The following GRM8 variants were observed in gnomAD, a reference collection of about 807,000 sequenced individuals.
GRM8 encodes the protein metabotropic glutamate receptor 8.
GRM8 carries 47 observed loss-of-function variants against 87.2 expected under a neutral mutation model. The observed-to-expected ratio is 0.54, with a 90% CI of 0.43 to 0.69. GRM8 has a LOEUF of 0.69. Among genes scored for constraint, GRM8 ranks in the 30% least tolerant of loss-of-function variants. The probability of loss-of-function intolerance (pLI) is 0.00; values close to 1 mark genes in which losing one functional copy is unlikely to be tolerated. For missense variants in GRM8, 1,019 were observed against 1,139.2 expected, an observed-to-expected ratio of 0.89 and a Z score of 1.52; for synonymous variants, 396 against 404.5, an observed-to-expected ratio of 0.98 and a Z score of 0.25.
intron 3 of GRM8, among the ~76,000 whole-genome samples, chr7:127,101,819 T>TG (rs1459214275): frequency 6.6e-6 from 1 of 152,184 alleles, no homozygotes; most frequent in African/African-American, 2.4e-5. Flanking sequence ...ACTTTGGAAC[T>TG]GGGTAACAGG....
At chr7:126,464,539 T>A (rs187112576) in intron 9 of GRM8, among the ~76,000 whole-genome samples, 5 of 151,812 alleles carry the variant, frequency 3.3e-5, no homozygotes, top group African/African-American at 1.2e-4. Context: ...TGTTTTGTGG[T>A]CTTCTCTTCC....
chr7:126,460,185 A>G (rs1302290084), intron 9 of GRM8, among the ~76,000 whole-genome samples: 13 of 151,550 alleles, frequency 8.6e-5, no homozygotes, highest in Admixed American at 8.6e-4. Context: ...ATGTAGATAT[A>G]TGGGTCTGCT....
At chr7:127,223,251 C>G (rs1797050871) in intron 2 of GRM8, among the ~76,000 whole-genome samples, 1 of 152,000 alleles carries the variant, frequency 6.6e-6, no homozygotes, top group African/African-American at 2.4e-5. Flanking sequence ...CATGTATTTC[C>G]TCATCTATAC....
chr7:126,601,851 G>T, intron 8 of GRM8, among the ~76,000 whole-genome samples: 1 of 141,070 alleles, frequency 7.1e-6, no homozygotes. Flanking sequence ...CAGATGAGTA[G>T]GTTGTGAAAA....
At chr7:126,621,828 C>T (rs1303112747) in intron 7 of GRM8, among the ~76,000 whole-genome samples, 3 of 152,186 alleles carry the variant, frequency 2.0e-5, no homozygotes, top group Admixed American at 6.5e-5. Flanking sequence ...CAAAAGTTTC[C>T]TCTTTGGACA....
rs142200394 is a variant in GRM8, at chr7:126,751,651, C to T, written c.1357+18214G>A. On this transcript the variant is annotated intron_variant, in intron 7 of 10. Transcript: ENST00000339582. The stretch of plus-strand genomic sequence containing the variant: ...AAAGAGGCAAAGGAAGGCACCATTG[C>T]ACTTTATTACTAGCTATGACTTTGG... Among the ~76,000 whole-genome samples, 797 of 152,262 alleles carry T rather than the reference C, an allele frequency of 5.2e-3. 11 individuals are homozygous for T. The highest frequency in any genetic ancestry group is 0.018 in the African/African-American group (752 of 41,554).
intron 2 of GRM8, among the ~76,000 whole-genome samples, chr7:127,139,133 C>T (rs555470670): frequency 6.6e-5 from 10 of 152,236 alleles, no homozygotes; most frequent in African/African-American, 1.7e-4. Context: ...TGACTTCCAG[C>T]CCATCAGCTT....
chr7:126,706,147 T>G (rs1212966999), intron 7 of GRM8, among the ~76,000 whole-genome samples: 1 of 152,198 alleles, frequency 6.6e-6, no homozygotes, highest in Non-Finnish European at 1.5e-5. Context: ...AATATCCATG[T>G]AAACCTGAGA....
At chr7:126,621,409 T>C (rs1395888657) in intron 7 of GRM8, among the ~76,000 whole-genome samples, 1 of 152,168 alleles carries the variant, frequency 6.6e-6, no homozygotes, top group African/African-American at 2.4e-5. Context: ...CCTTTTTTGT[T>C]TGTTTGTTTG....
chr7:126,571,947 G>T (rs1585088237), intron 8 of GRM8, among the ~76,000 whole-genome samples: 1 of 151,652 alleles, frequency 6.6e-6, no homozygotes, highest in East Asian at 1.9e-4. Flanking sequence ...TCACCATGTT[G>T]GGCCAGGCTG....
chr7:126,579,982 G>T (rs73722650), intron 8 of GRM8, among the ~76,000 whole-genome samples: 6,221 of 151,548 alleles, frequency 0.041, 433 homozygotes, highest in African/African-American at 0.14. Context: ...AAGAAAACGT[G>T]CTTATCCCAT....
chr7:127,094,609 A>G (rs947787614), intron 3 of GRM8, among the ~76,000 whole-genome samples: 3 of 152,214 alleles, frequency 2.0e-5, no homozygotes, highest in Admixed American at 2.0e-4. Context: ...TCCTCCTCAC[A>G]GCCTCAAGAG....
At chr7:126,941,687 G>C (rs1806966227) in intron 3 of GRM8, among the ~76,000 whole-genome samples, 1 of 151,312 alleles carries the variant, frequency 6.6e-6, no homozygotes, top group African/African-American at 2.4e-5. Flanking sequence ...TTTTTAAATA[G>C]TTAACTTTTA....
rs560209169 is a variant in GRM8, at chr7:126,864,020, C to G, written c.1156+38522G>C. ...TATATACTTGGTTAACTTACTTTAT[C>G]TTGCTATGTGTGGCTTTTTTTTTTT... On this transcript the variant is annotated intron_variant, in intron 6 of 10. Transcript: ENST00000339582. Among the ~76,000 whole-genome samples, 20 of 136,236 alleles carry G rather than the reference C, an allele frequency of 1.5e-4. No individual in the cohort carries two copies. In the South Asian group the frequency reaches 4.6e-3, roughly 32 times the overall value. The allele number at this position is 136,236 out of a possible 152,430, so 89.4% of individuals were successfully genotyped here. A position where few individuals can be genotyped will look rare whatever the true frequency, so the allele number is the denominator to read the frequency against.
At chr7:127,197,397 C>T (rs1334076276) in intron 2 of GRM8, among the ~76,000 whole-genome samples, 1 of 152,176 alleles carries the variant, frequency 6.6e-6, no homozygotes, top group Non-Finnish European at 1.5e-5. Context: ...AGCTTTTCAT[C>T]TCAGAGGAGT....
chr7:126,776,035 A>T (rs549627524), intron 6 of GRM8, among the ~76,000 whole-genome samples: 1 of 152,282 alleles, frequency 6.6e-6, no homozygotes, highest in Non-Finnish European at 1.5e-5. Context: ...AAATTTGTTA[A>T]TATTTAATGA....
At chr7:127,216,354 G>A (rs562279155) in intron 2 of GRM8, among the ~76,000 whole-genome samples, 49 of 150,922 alleles carry the variant, frequency 3.2e-4, no homozygotes, top group South Asian at 1.0e-3. Context: ...CTGTCTCTAC[G>A]AAAAATACAA....
At chr7:126,648,038 C>G (rs1803363376) in intron 7 of GRM8, among the ~76,000 whole-genome samples, 1 of 152,172 alleles carries the variant, frequency 6.6e-6, no homozygotes, top group Non-Finnish European at 1.5e-5. Context: ...TATGTGCCAT[C>G]TCACATTCAA....
At chr7:126,746,866 T>C (rs1815757924) in intron 7 of GRM8, among the ~76,000 whole-genome samples, 1 of 151,866 alleles carries the variant, frequency 6.6e-6, no homozygotes, top group Non-Finnish European at 1.5e-5. Context: ...ATATAAATTA[T>C]ACTTCAATTT....
Sources: gnomAD v4.1 joint callset for allele counts (sites outside exome capture counted in the v4.1 genomes callset) on GRCh38, gnomAD v4.1.1 for gene constraint, MANE v1.5 for transcripts, NCBI Gene and HGNC (gene_info 2026-07-23, HGNC 2026-07-21) for gene names.